SV2C: variants seen among roughly 807,000 people sequenced by gnomAD.
SV2C encodes synaptic vesicle glycoprotein 2C, also known as solute carrier family 22 member B3.
In SV2C, 49 loss-of-function variants were observed where a neutral mutation model predicts 79.7. The observed-to-expected ratio is 0.61, with a 90% CI of 0.49 to 0.78. The LOEUF is 0.78. SV2C is among the 30% of genes least tolerant of loss of function. SV2C has a pLI of 0.00. For synonymous variants in SV2C, 334 were observed against 333.2 expected (o/e 1.00, Z -0.03); for missense variants, 833 against 912.9 (o/e 0.91, Z 1.13).
chr5:76,076,281 G>A, the SV2C span, among the ~76,000 whole-genome samples: 1 of 152,240 alleles, frequency 6.6e-6, no homozygotes, highest in Non-Finnish European at 1.5e-5. Context: ...AGGGCAACCA[G>A]CAGAGTTGGA....
chr5:76,129,390 CAAAAAGAGAACTTATAT>C lies in SV2C; in HGVS notation c.-101-2259_-101-2243del, dbSNP rs556852749. 5.3e-3 allele frequency among the ~76,000 whole-genome samples: 800 copies of C among 152,230 alleles called. 10 individuals are homozygous for C. Among genetic ancestry groups the C allele is most frequent in the African/African-American group, 0.019 (770 of 41,550 alleles). On this transcript the variant is annotated intron_variant, in intron 1 of 12. Transcript: ENST00000502798. ...TTGGGGGATGAGAAATCTTGAAAGA[CAAAAAGAGAACTTATAT>C]GTGCACATCCTTTGTTTTGTCCTGG...
chr5:75,889,375 T>A, the SV2C span, among the ~76,000 whole-genome samples: 4 of 152,098 alleles, frequency 2.6e-5, no homozygotes, highest in South Asian at 6.2e-4. Flanking sequence ...CCTGTGTTAG[T>A]TTGCTAAGAA....
At chr5:75,887,188 T>A in the SV2C span, among the ~76,000 whole-genome samples, 1 of 152,166 alleles carries the variant, frequency 6.6e-6, no homozygotes, top group African/African-American at 2.4e-5. Context: ...ATGCATTACC[T>A]CAGAGATTTA....
intron 12 of SV2C, among the ~76,000 whole-genome samples, chr5:76,324,821 A>T (rs1484804106): frequency 1.3e-5 from 2 of 152,082 alleles, no homozygotes; most frequent in African/African-American, 4.8e-5. Context: ...GTACCAGTGT[A>T]CTCACCTGGG....
At chr5:75,932,383 G>A in the SV2C span, among the ~76,000 whole-genome samples, 5 of 152,290 alleles carry the variant, frequency 3.3e-5, no homozygotes, top group South Asian at 2.1e-4. Context: ...AGACCAGCTC[G>A]GTTGTGGAGA....
chr5:76,029,555 T>A, the SV2C span, among the ~76,000 whole-genome samples: 7 of 152,170 alleles, frequency 4.6e-5, no homozygotes, highest in Non-Finnish European at 7.3e-5. Flanking sequence ...TAAGAAGTAT[T>A]TGAGGCAAAA....
chr5:76,038,037 A>G, the SV2C span, among the ~76,000 whole-genome samples: 1 of 152,196 alleles, frequency 6.6e-6, no homozygotes, highest in Non-Finnish European at 1.5e-5. Context: ...TTCTTTGACT[A>G]GGAAAGGGAA....
At chr5:75,922,115 A>G in the SV2C span, among the ~76,000 whole-genome samples, 6 of 152,248 alleles carry the variant, frequency 3.9e-5, no homozygotes, top group Admixed American at 3.9e-4. Flanking sequence ...GTTTACATAT[A>G]TTTTACTAAC....
the SV2C span, chr5:75,910,756 G>A: frequency 7.3e-7 from 1 of 1,367,236 alleles, no homozygotes; most frequent in African/African-American, 1.4e-5. Context: ...TACTAGAGGA[G>A]CTGCCTATTC....
the SV2C span, among the ~76,000 whole-genome samples, chr5:75,988,388 CTAAA>C: frequency 9.7e-4 from 147 of 152,000 alleles, no homozygotes; most frequent in Non-Finnish European, 1.7e-3. Context: ...CTTTTAAATA[CTAAA>C]TAAATAAGAA....
At chr5:76,239,244 A>C (rs1745706902) in intron 4 of SV2C, among the ~76,000 whole-genome samples, 1 of 151,764 alleles carries the variant, frequency 6.6e-6, no homozygotes, top group African/African-American at 2.4e-5. Flanking sequence ...TTATTCCTTT[A>C]CCCTTACATA....
the SV2C span, among the ~76,000 whole-genome samples, chr5:75,935,710 A>G: frequency 6.6e-6 from 1 of 152,202 alleles, no homozygotes; most frequent in Non-Finnish European, 1.5e-5. Context: ...TGTGTTAAGA[A>G]GTACGTAACA....
chr5:76,125,399 A>C (rs1273348570), intron 1 of SV2C, among the ~76,000 whole-genome samples: 3 of 152,126 alleles, frequency 2.0e-5, no homozygotes, highest in Non-Finnish European at 4.4e-5. Context: ...GTATTTTATA[A>C]TAGAGACATT....
chr5:76,070,735 A>C, the SV2C span, among the ~76,000 whole-genome samples: 2 of 152,214 alleles, frequency 1.3e-5, no homozygotes, highest in Admixed American at 1.3e-4. Flanking sequence ...CTTACCTATC[A>C]AGGAAATCTC....
At chr5:76,257,527 T>C (rs1011853227) in intron 4 of SV2C, among the ~76,000 whole-genome samples, 10 of 148,944 alleles carry the variant, frequency 6.7e-5, no homozygotes, top group Non-Finnish European at 1.5e-4. Context: ...GTGTGGTGTA[T>C]GAGCGTGTGG....
At chr5:76,307,401 G>T (rs1297047447) in intron 12 of SV2C, among the ~76,000 whole-genome samples, 6 of 152,136 alleles carry the variant, frequency 3.9e-5, no homozygotes, top group African/African-American at 1.4e-4. Context: ...GGCTAAAACA[G>T]AGGGGACTTC....
At chr5:75,871,824 T>TACAC in the SV2C span, among the ~76,000 whole-genome samples, 1 of 114,540 alleles carries the variant, frequency 8.7e-6, no homozygotes, top group African/African-American at 4.0e-5. Context: ...TAAATATATA[T>TACAC]ATATATATAT....
intron 1 of SV2C, among the ~76,000 whole-genome samples, chr5:76,109,942 T>A (rs1748047325): frequency 6.6e-6 from 1 of 152,218 alleles, no homozygotes; most frequent in Non-Finnish European, 1.5e-5. Flanking sequence ...AGGAAAGTCA[T>A]TTAAATCCAC....
At chr5:75,880,283 A>C in the SV2C span, among the ~76,000 whole-genome samples, 2 of 150,944 alleles carry the variant, frequency 1.3e-5, no homozygotes, top group Non-Finnish European at 2.9e-5. Context: ...TTCCCTGAAA[A>C]CGGGCTTTTC....
Sources: gnomAD v4.1 joint callset for allele counts (sites outside exome capture counted in the v4.1 genomes callset) on GRCh38, gnomAD v4.1.1 for gene constraint, MANE v1.5 for transcripts, NCBI Gene and HGNC (gene_info 2026-07-23, HGNC 2026-07-21) for gene names.